Variants in CFH observed in about 807,000 individuals in gnomAD.
CFH encodes H factor 1 (complement).
A neutral mutation model predicts 147.3 loss-of-function variants in CFH; 53 were observed. The observed-to-expected ratio is 0.36, with a 90% CI of 0.29 to 0.45. The LOEUF (loss-of-function observed/expected upper bound fraction) is 0.45, where lower values mean the gene tolerates loss of function less well. Ranked by LOEUF, CFH falls within the 20% of genes least tolerant of loss-of-function variation. The probability of loss-of-function intolerance (pLI) is 1.00; values close to 1 mark genes in which losing one functional copy is unlikely to be tolerated. For synonymous variants in CFH, 536 were observed against 489.4 expected (o/e 1.10, Z -1.26); for missense variants, 1,380 against 1,498.0 (o/e 0.92, Z 1.30).
intron 7 of CFH, among the ~76,000 whole-genome samples, chr1:196,688,327 CCTTA>C (rs1341874664): frequency 6.6e-6 from 1 of 151,740 alleles, no homozygotes; most frequent in African/African-American, 2.4e-5. Flanking sequence ...TTATATTGTA[CCTTA>C]CTTAAATATA....
chr1:196,720,764 CAT>C (rs1253915361), intron 11 of CFH, among the ~76,000 whole-genome samples: 1 of 151,794 alleles, frequency 6.6e-6, no homozygotes, highest in African/African-American at 2.4e-5. Context: ...AGGCTATAAA[CAT>C]ATGAGTCTGG....
chr1:196,683,277 T>C (rs573011254), intron 6 of CFH, among the ~76,000 whole-genome samples: 90 of 151,804 alleles, frequency 5.9e-4, no homozygotes, highest in Non-Finnish European at 5.6e-4. Flanking sequence ...GTTTTATCTG[T>C]TCAGTTCAAT....
At chr1:196,665,454 T>A (rs904356714) in intron 1 of CFH, among the ~76,000 whole-genome samples, 7 of 151,572 alleles carry the variant, frequency 4.6e-5, no homozygotes, top group African/African-American at 1.5e-4. Flanking sequence ...AATTAAAAAA[T>A]TATAAAAGAA....
rs141021080 is a variant in CFH at position 196,725,154 on chromosome 1, A to G, written c.1730A>G (p.His577Arg). The G allele has an allele frequency of 7.4e-6, 12 of 1,613,704 alleles. No homozygotes were observed. The East Asian group carries it at 8.9e-5, about 12-fold the overall frequency. ...TGCGAACTTCCTAAAATAGATGTAC[A>G]CTTAGTTCCTGATCGCAAGAAAGAC... ...RECELPKIDV[H>R]LVPDRKKDQY... The change falls in exon 12 of 22, where the codon CAC becomes CGC. Residue 577 changes from histidine to arginine, a missense_variant. His to Arg is a conservative substitution (Grantham distance 29). Around this residue, in one of 4 missense-constraint regions of CFH, gnomAD observed 830 missense variants for 821.4 expected, o/e 1.01. Coordinates refer to ENST00000367429, the MANE Select transcript of CFH (RefSeq NM_000186.4).
chr1:196,671,683 A>T (rs1401113187), intron 1 of CFH, among the ~76,000 whole-genome samples: 1 of 149,358 alleles, frequency 6.7e-6, no homozygotes, highest in Non-Finnish European at 1.5e-5. Flanking sequence ...ATATATATAT[A>T]CTATATATGT....
At chr1:196,706,827 G>C (rs1218743511) in intron 9 of CFH, among the ~76,000 whole-genome samples, 1 of 152,186 alleles carries the variant, frequency 6.6e-6, no homozygotes. Context: ...ATTCAAGCAA[G>C]AGGTGCAGGG....
intron 9 of CFH, among the ~76,000 whole-genome samples, chr1:196,711,406 A>G (rs934683942): frequency 1.3e-5 from 2 of 152,056 alleles, no homozygotes; most frequent in African/African-American, 4.8e-5. Flanking sequence ...TGAGTATTCC[A>G]TAAAAGATTT....
chr1:196,698,987 T>A (rs1668370767), intron 9 of CFH, among the ~76,000 whole-genome samples: 1 of 152,126 alleles, frequency 6.6e-6, no homozygotes, highest in Admixed American at 6.6e-5. Flanking sequence ...GAAAAGGCCT[T>A]CAATAAAATT....
At chr1:196,677,713 A>AAT (rs1300290415) in intron 5 of CFH, 46 bp downstream of exon 5, 1 of 1,500,280 alleles carries the variant, frequency 6.7e-7, no homozygotes, top group Non-Finnish European at 9.3e-7. Flanking sequence ...TTTAAATGTA[A>AAT]ATATACATTT....
At chr1:196,672,881 G>A in intron 1 of CFH, 97 bp from the exon 2 acceptor site, 1 of 934,546 alleles carries the variant, frequency 1.1e-6, no homozygotes, top group Non-Finnish European at 1.6e-6. Context: ...AGATAGACCT[G>A]TGACTGTCTA....
At chr1:196,689,993 T>C (rs1327785618) in intron 8 of CFH, 70 bp from the exon 9 acceptor site, 1 of 1,413,860 alleles carries the variant, frequency 7.1e-7, no homozygotes, top group Admixed American at 2.1e-5. Context: ...AAAATAATTG[T>C]AATATACTAT....
At chr1:196,726,417 T>C in intron 12 of CFH, 53 bp from the exon 13 acceptor site, 1 of 1,376,672 alleles carries the variant, frequency 7.3e-7, no homozygotes, top group South Asian at 1.2e-5. Context: ...ACTGAATTTT[T>C]ATATTGTAAA....
intron 5 of CFH, chr1:196,677,934 C>T: frequency 4.7e-6 from 2 of 425,914 alleles, no homozygotes; most frequent in South Asian, 2.1e-5. Context: ...CCTGGATTAT[C>T]ATGGCATAAA....
At chr1:196,707,088 C>G (rs1332443943) in intron 9 of CFH, among the ~76,000 whole-genome samples, 1 of 152,022 alleles carries the variant, frequency 6.6e-6, no homozygotes, top group African/African-American at 2.4e-5. Context: ...AGGCCCTCAG[C>G]ATAATCTGGA....
chr1:196,719,331 A>C (rs1668944251), intron 11 of CFH, among the ~76,000 whole-genome samples: 1 of 151,990 alleles, frequency 6.6e-6, no homozygotes, highest in African/African-American at 2.4e-5. Context: ...TAAAATTAGC[A>C]CAAAATACGT....
intron 1 of CFH, among the ~76,000 whole-genome samples, chr1:196,655,713 C>T (rs1666662726): frequency 6.6e-6 from 1 of 152,122 alleles, no homozygotes; most frequent in African/African-American, 2.4e-5. Context: ...TGAGATTCTG[C>T]CACCCAATCT....
Position 196,713,888 on chromosome 1 carries a change from A to G in CFH, c.1490A>G (p.Asp497Gly). 1.9e-6 allele frequency: 3 copies of G among 1,612,676 alleles called. No homozygotes were observed. The highest frequency in any genetic ancestry group is 2.5e-6 in the Non-Finnish European group (3 of 1,179,094). ...TCAGGATCAATTACATGTGGGAAAG[A>G]TGGATGGTCAGCTCAACCCACGTGC... ...ETSGSITCGK[D>G]GWSAQPTCIK... Residue 497 changes from aspartate to glycine, a missense_variant, in exon 10 of 22, where the codon GAT becomes GGT. Physicochemically the swap from Asp to Gly is moderately conservative, Grantham distance 94 (BLOSUM62 -1). Transcript: ENST00000367429.
chr1:196,728,266 T>G (rs1669194617), intron 14 of CFH, 80 bp from the exon 15 acceptor site: 1 of 1,012,474 alleles, frequency 9.9e-7, no homozygotes, highest in Non-Finnish European at 1.4e-6. Flanking sequence ...CTAATACTAT[T>G]TACTTTATAA....
intron 1 of CFH, among the ~76,000 whole-genome samples, chr1:196,671,789 A>G (rs984618203): frequency 1.1e-4 from 16 of 149,822 alleles, no homozygotes; most frequent in Middle Eastern, 3.6e-3. Context: ...CCATTTATAT[A>G]TATGTTTGCT....
Sources: gnomAD v4.1 joint callset for allele counts (sites outside exome capture counted in the v4.1 genomes callset) on GRCh38, gnomAD v4.1.1 for gene constraint, gnomAD v4.1.1 regional missense constraint, MANE v1.5 for transcripts, NCBI Gene and HGNC (gene_info 2026-07-23, HGNC 2026-07-21) for gene names.